SEC22A: variants seen among roughly 807,000 people sequenced by gnomAD.
SEC22A encodes the protein vesicle-trafficking protein SEC22a.
Under a neutral mutation model 35.3 loss-of-function variants are expected in SEC22A, and 22 were observed. The observed-to-expected ratio is 0.62, with a 90% CI of 0.45 to 0.89. The LOEUF is 0.89. Ranked by LOEUF, SEC22A falls within the 40% of genes least tolerant of loss-of-function variation. The pLI, the probability that SEC22A is intolerant of heterozygous loss-of-function variation, is 0.00. For missense variants in SEC22A, 354 were observed against 362.5 expected (o/e 0.98, Z 0.19); for synonymous variants, 119 against 129.5 (o/e 0.92, Z 0.55).
chr3:123,257,196 C>T (rs1403119917), intron 5 of SEC22A, among the ~76,000 whole-genome samples: 2 of 152,176 alleles, frequency 1.3e-5, no homozygotes, highest in African/African-American at 4.8e-5. Flanking sequence ...GTGACACAGA[C>T]AGTAACCCCA....
intron 1 of SEC22A, among the ~76,000 whole-genome samples, chr3:123,205,513 C>T (rs1936836050): frequency 6.6e-6 from 1 of 152,036 alleles, no homozygotes. Flanking sequence ...CACAGTTAAG[C>T]CCCATCTCTA....
chr3:123,232,329 A>G (rs1450711219), intron 4 of SEC22A, among the ~76,000 whole-genome samples: 5 of 152,214 alleles, frequency 3.3e-5, no homozygotes, highest in East Asian at 3.8e-4. Context: ...ACTGTCTCCC[A>G]TTAAATTCAA....
chr3:123,225,413 A>G (rs1344151046), intron 4 of SEC22A, 116 bp downstream of exon 4: 1 of 547,872 alleles, frequency 1.8e-6, no homozygotes. Context: ...GAGAGAATAT[A>G]GAAGTTCAAA....
intron 6 of SEC22A, among the ~76,000 whole-genome samples, chr3:123,267,433 A>G (rs1354358871): frequency 6.6e-6 from 1 of 151,986 alleles, no homozygotes; most frequent in African/African-American, 2.4e-5. Context: ...TTAACTCTTC[A>G]TGGTCTTCTC....
chr3:123,221,525 T>C (rs1044811900), intron 2 of SEC22A, among the ~76,000 whole-genome samples: 10 of 144,972 alleles, frequency 6.9e-5, no homozygotes, highest in Admixed American at 6.9e-4. Context: ...GAGTCCAGCA[T>C]AGGAGTGGTG....
In SEC22A at chr3:123,272,655, TTC is replaced by T. The variant is rs1213917235; in HGVS notation, c.*935_*936del. On this transcript the variant is annotated 3_prime_UTR_variant, in exon 7 of 7. Coordinates refer to ENST00000492595, the MANE Select transcript of SEC22A (RefSeq NM_012430.5). The stretch of plus-strand genomic sequence containing the variant: ...AGAAAGGCTCCGAATCTTAGGCTCT[TTC>T]TTTGTGGCAGTGAGGGAGATGTTAC... 1 of 153,152 alleles carries T rather than the reference TTC, an allele frequency of 6.5e-6. No individual in the cohort carries two copies. The highest frequency in any genetic ancestry group is 1.5e-5 in the Non-Finnish European group (1 of 68,048). The allele number at this position is 153,152 out of a possible 1,614,324, so 9.5% of individuals were successfully genotyped here.
At chr3:123,208,754 T>C (rs1371567618) in intron 1 of SEC22A, 3 of 158,398 alleles carry the variant, frequency 1.9e-5, no homozygotes, top group African/African-American at 4.8e-5. Flanking sequence ...ACAAAAGCTA[T>C]ATGTTAAGTG....
At chr3:123,242,516 T>C (rs1408500262) in intron 4 of SEC22A, among the ~76,000 whole-genome samples, 2 of 147,560 alleles carry the variant, frequency 1.4e-5, no homozygotes, top group Admixed American at 1.4e-4. Flanking sequence ...TTTTTTTTAA[T>C]TTTAGCTTTA....
Position 123,273,941 on chromosome 3 carries a change from T to C in SEC22A, c.*2219T>C, listed in dbSNP as rs1403927314. Reference sequence around the variant, plus strand: ...CAGTTTGGTTCAGGAGCTACCTCCTTGTCATTGAATTGACGAGTTACAATG... The same window carrying C: ...CAGTTTGGTTCAGGAGCTACCTCCTCGTCATTGAATTGACGAGTTACAATG... On this transcript the variant is annotated 3_prime_UTR_variant, in exon 7 of 7. Coordinates refer to ENST00000492595, the MANE Select transcript of SEC22A (RefSeq NM_012430.5). 1 of 152,246 alleles carries C rather than the reference T, an allele frequency of 6.6e-6. No individual in the cohort carries two copies. Among genetic ancestry groups the C allele is most frequent in the East Asian group, 1.9e-4 (1 of 5,194 alleles). The allele number at this position is 152,246 out of a possible 1,614,324, so 9.4% of individuals were successfully genotyped here. A position where few individuals can be genotyped will look rare whatever the true frequency, so the allele number is the denominator to read the frequency against.
intron 2 of SEC22A, among the ~76,000 whole-genome samples, chr3:123,222,464 G>A (rs1937144763): frequency 6.6e-6 from 1 of 152,092 alleles, no homozygotes; most frequent in Admixed American, 6.6e-5. Context: ...CTCCCAAAGT[G>A]CTGGGATTAC....
chr3:123,250,858 A>G (rs879831143), intron 5 of SEC22A, among the ~76,000 whole-genome samples: 2 of 152,248 alleles, frequency 1.3e-5, no homozygotes, highest in Non-Finnish European at 2.9e-5. Context: ...AACTGGAAAG[A>G]TAAGAGACTA....
chr3:123,212,952 A>G, intron 2 of SEC22A, among the ~76,000 whole-genome samples: 1 of 152,178 alleles, frequency 6.6e-6, no homozygotes, highest in East Asian at 1.9e-4. Context: ...CCTGTTATTG[A>G]GACCAGAAGT....
intron 4 of SEC22A, among the ~76,000 whole-genome samples, chr3:123,230,605 T>G (rs997911483): frequency 6.7e-6 from 1 of 150,162 alleles, no homozygotes; most frequent in Non-Finnish European, 1.5e-5. Context: ...GCAGTTAAGA[T>G]GTACATGGTA....
rs533386545 is a variant in SEC22A, at chr3:123,260,131, C to CAAAAAAAAAAAAAAAAAAAAAAAAAA, written c.723+555_723+580dup. 1.6e-4 allele frequency among the ~76,000 whole-genome samples: 8 copies of CAAAAAAAAAAAAAAAAAAAAAAAAAA among 49,774 alleles called. 1 individual carries two copies. The highest frequency in any genetic ancestry group is 4.9e-4 in the African/African-American group (5 of 10,148). 32.7% of individuals were successfully genotyped at this position (49,774 alleles called of 152,430 possible). ...TGGGCAACAGAGCGAGACTACATCT[C>CAAAAAAAAAAAAAAAAAAAAAAAAAA]AAAAAAAAAAAAAAAAAAAAAAAAA... On this transcript the variant is annotated intron_variant, in intron 6 of 6. Transcript: ENST00000492595.
At chr3:123,210,831 G>T (rs1328071641) in intron 2 of SEC22A, among the ~76,000 whole-genome samples, 1 of 152,208 alleles carries the variant, frequency 6.6e-6, no homozygotes, top group Non-Finnish European at 1.5e-5. Flanking sequence ...GAATTAATAA[G>T]AGTTGGCTAA....
At chr3:123,258,442 TAATC>T (rs1467383548) in intron 5 of SEC22A, among the ~76,000 whole-genome samples, 65 of 151,688 alleles carry the variant, frequency 4.3e-4, no homozygotes, top group Non-Finnish European at 5.9e-5. Flanking sequence ...AAAGAAAAAA[TAATC>T]AAGCAGAACT....
intron 2 of SEC22A, among the ~76,000 whole-genome samples, chr3:123,219,570 G>A (rs1193103745): frequency 6.6e-6 from 1 of 152,192 alleles, no homozygotes; most frequent in African/African-American, 2.4e-5. Context: ...GTAAAATGGA[G>A]ATAATAGTGC....
intron 2 of SEC22A, among the ~76,000 whole-genome samples, chr3:123,214,161 C>T (rs1936985407): frequency 6.6e-6 from 1 of 152,124 alleles, no homozygotes; most frequent in African/African-American, 2.4e-5. Flanking sequence ...TGCCACTGCA[C>T]TCCAGCCTGG....
intron 4 of SEC22A, among the ~76,000 whole-genome samples, chr3:123,232,233 C>G (rs1937337141): frequency 6.6e-6 from 1 of 152,038 alleles, no homozygotes; most frequent in Admixed American, 6.5e-5. Flanking sequence ...GAGCGAGGCT[C>G]TGTCTAAAAG....
Sources: gnomAD v4.1 joint callset for allele counts (sites outside exome capture counted in the v4.1 genomes callset) on GRCh38, gnomAD v4.1.1 for gene constraint, MANE v1.5 for transcripts, NCBI Gene and HGNC (gene_info 2026-07-23, HGNC 2026-07-21) for gene names.